The following DLG2 variants were observed in gnomAD, a reference collection of about 807,000 sequenced individuals.
DLG2 encodes the protein disks large homolog 2.
DLG2 carries 45 observed loss-of-function variants against 132.5 expected under a neutral mutation model. The observed-to-expected ratio is 0.34, with a 90% CI of 0.27 to 0.44. The LOEUF (loss-of-function observed/expected upper bound fraction) is 0.44, where lower values mean the gene tolerates loss of function less well. DLG2 is among the 20% of genes least tolerant of loss of function. DLG2 has a pLI of 1.00. For synonymous variants in DLG2, 424 were observed against 419.6 expected (o/e 1.01, Z -0.13); for missense variants, 1,045 against 1,196.9 (o/e 0.87, Z 1.87).
chr11:84,881,926 C>T (rs1342253798), intron 6 of DLG2, among the ~76,000 whole-genome samples: 1 of 152,094 alleles, frequency 6.6e-6, no homozygotes, highest in Non-Finnish European at 1.5e-5. Context: ...AAACTCAGCA[C>T]ATATTCTACC....
chr11:84,753,010 A>T (rs1324378800), intron 6 of DLG2, among the ~76,000 whole-genome samples: 2 of 152,126 alleles, frequency 1.3e-5, no homozygotes, highest in Non-Finnish European at 2.9e-5. Context: ...CTACTCAAAG[A>T]GGTCTTTTTC....
intron 4 of DLG2, among the ~76,000 whole-genome samples, chr11:85,182,412 G>T (rs1282181558): frequency 6.6e-6 from 1 of 151,884 alleles, no homozygotes; most frequent in Non-Finnish European, 1.5e-5. Context: ...TATTCAGCCT[G>T]ACACATTTTA....
At chr11:84,395,610 G>T (rs1474578680) in intron 7 of DLG2, among the ~76,000 whole-genome samples, 10 of 152,114 alleles carry the variant, frequency 6.6e-5, no homozygotes, top group African/African-American at 2.4e-4. Flanking sequence ...TAAAGGCAGG[G>T]TTTTGCCATG....
intron 7 of DLG2, among the ~76,000 whole-genome samples, chr11:84,493,175 T>C (rs1462791235): frequency 6.6e-6 from 1 of 152,122 alleles, no homozygotes; most frequent in Non-Finnish European, 1.5e-5. Flanking sequence ...ATGGTGGATT[T>C]ATCAGGTCAG....
chr11:84,316,690 G>GT (rs2098359983), intron 7 of DLG2: 2 of 988,090 alleles, frequency 2.0e-6, no homozygotes, highest in Non-Finnish European at 2.9e-6. Flanking sequence ...AAAATGACAG[G>GT]TTTTTCTTGG....
At chr11:84,725,848 T>C (rs915181973) in intron 6 of DLG2, among the ~76,000 whole-genome samples, 5 of 152,156 alleles carry the variant, frequency 3.3e-5, no homozygotes, top group African/African-American at 1.2e-4. Flanking sequence ...GTCTGATTTT[T>C]TTTTTAATGA....
intron 18 of DLG2, among the ~76,000 whole-genome samples, chr11:83,636,036 A>G (rs1048243397): frequency 6.6e-6 from 1 of 152,172 alleles, no homozygotes; most frequent in Non-Finnish European, 1.5e-5. Flanking sequence ...ACTACATGTC[A>G]TCTCTAAGTA....
At chr11:84,086,483 C>G (rs1284484780) in intron 10 of DLG2, among the ~76,000 whole-genome samples, 1 of 126,090 alleles carries the variant, frequency 7.9e-6, no homozygotes, top group East Asian at 2.4e-4. Flanking sequence ...TTTTCTTTTT[C>G]TTTCTTTCTT....
At chr11:85,267,447 G>C (rs1459934910) in intron 4 of DLG2, among the ~76,000 whole-genome samples, 1 of 152,104 alleles carries the variant, frequency 6.6e-6, no homozygotes, top group African/African-American at 2.4e-5. Context: ...CTTTCTTCTA[G>C]ACCATCACCT....
chr11:83,580,124 T>C (rs2096944627), intron 19 of DLG2, among the ~76,000 whole-genome samples: 1 of 152,104 alleles, frequency 6.6e-6, no homozygotes, highest in African/African-American at 2.4e-5. Context: ...TCCTACAAAT[T>C]TCATTTGTAT....
chr11:84,243,369 G>C (rs1439482800), intron 8 of DLG2, among the ~76,000 whole-genome samples: 2 of 150,158 alleles, frequency 1.3e-5, no homozygotes, highest in African/African-American at 4.9e-5. Flanking sequence ...CAACATAGTA[G>C]TTGTTCATAG....
chr11:84,802,533 C>T (rs1219234357), intron 6 of DLG2, among the ~76,000 whole-genome samples: 1 of 151,438 alleles, frequency 6.6e-6, no homozygotes, highest in Non-Finnish European at 1.5e-5. Flanking sequence ...CCAGTCACTA[C>T]TATGGCAGAA....
chr11:83,791,127 T>A, intron 17 of DLG2: 1 of 658,874 alleles, frequency 1.5e-6, no homozygotes, highest in Non-Finnish European at 2.7e-6. Context: ...TCCATCTTGA[T>A]GCACGTCTCC....
At position 84,665,985 on chromosome 11, in the gene DLG2, G is replaced by A. The variant is rs570752737; in HGVS notation, c.358-131254C>T. Among the ~76,000 whole-genome samples the A allele has an allele frequency of 7.9e-5, 12 of 152,152 alleles. No individual in the cohort carries two copies. In the East Asian group the frequency reaches 1.7e-3, roughly 22 times the overall value. On this transcript the variant is annotated intron_variant, in intron 6 of 27. Transcript: ENST00000376104. ...AAATAGGGAGTTAGCACATTACATC[G>A]CCTTCACCTGTAGAACAATTTCTCT... is the stretch of plus-strand genomic sequence containing the variant.
intron 11 of DLG2, among the ~76,000 whole-genome samples, chr11:84,004,121 G>A (rs1302477718): frequency 1.3e-5 from 2 of 151,748 alleles, no homozygotes; most frequent in Non-Finnish European, 2.9e-5. Context: ...CAAAACCTAA[G>A]GACACAACAA....
rs117709385 is a variant in DLG2, at chr11:85,114,099, T to C, written c.283-2364A>G. On this transcript the variant is annotated intron_variant, in intron 5 of 27. Coordinates refer to ENST00000376104, the MANE Select transcript of DLG2 (RefSeq NM_001142699.3). ...TAAAGAAGGCAAGATCTAACATGGA[T>C]CAGGGAACCTACCACAGCAGGTGGA... is the stretch of plus-strand genomic sequence containing the variant. Among the ~76,000 whole-genome samples the C allele has an allele frequency of 5.8e-3, 888 of 152,084 alleles. 5 individuals are homozygous for C. Among genetic ancestry groups the C allele is most frequent in the Non-Finnish European group, 9.8e-3 (663 of 67,898 alleles).
intron 6 of DLG2, among the ~76,000 whole-genome samples, chr11:84,736,612 T>C (rs1382278027): frequency 6.6e-6 from 1 of 151,984 alleles, no homozygotes; most frequent in Admixed American, 6.6e-5. Flanking sequence ...TTTCACATAT[T>C]TCATCAGATT....
intron 11 of DLG2, among the ~76,000 whole-genome samples, chr11:84,018,245 AT>A (rs2095278360): frequency 6.6e-6 from 1 of 151,878 alleles, no homozygotes; most frequent in African/African-American, 2.4e-5. Context: ...TCCTTAATCC[AT>A]TTTTTGTTCA....
At chr11:83,477,940 C>A (rs753209120) in intron 22 of DLG2, among the ~76,000 whole-genome samples, 15 of 152,010 alleles carry the variant, frequency 9.9e-5, no homozygotes, top group Non-Finnish European at 2.1e-4. Context: ...CTAGCAAGTT[C>A]CTCATCTTTC....
Sources: allele counts gnomAD v4.1 joint callset (sites outside exome capture counted in the v4.1 genomes callset), GRCh38; gene constraint gnomAD v4.1.1; transcripts MANE v1.5; gene names NCBI Gene and HGNC (gene_info 2026-07-23, HGNC 2026-07-21).